The following ULK4 variants were observed in gnomAD, a reference collection of about 807,000 sequenced individuals.
The protein encoded by ULK4 is unc-51 like kinase 4.
ULK4 carries 133 observed loss-of-function variants against 160.6 expected under a neutral mutation model. The ratio of observed to expected loss-of-function variants is 0.83; its 90% CI spans 0.72 to 0.96. The LOEUF (loss-of-function observed/expected upper bound fraction) is 0.96, where lower values mean the gene tolerates loss of function less well. Ranked by LOEUF, ULK4 falls within the 40% of genes least tolerant of loss-of-function variation. The pLI, the probability that ULK4 is intolerant of heterozygous loss-of-function variation, is 0.00. For missense variants in ULK4, 1,580 were observed against 1,499.5 expected, an observed-to-expected ratio of 1.05 and a Z score of -0.89; for synonymous variants, 534 against 539.8, an observed-to-expected ratio of 0.99 and a Z score of 0.15.
At chr3:41,843,791 T>C (rs200309719) in intron 17 of ULK4, among the ~76,000 whole-genome samples, 1 of 152,104 alleles carries the variant, frequency 6.6e-6, no homozygotes, top group East Asian at 1.9e-4. Flanking sequence ...GCTTTTATTC[T>C]CTTATCTGGC....
At chr3:41,757,460 G>A (rs1480576910) in intron 21 of ULK4, among the ~76,000 whole-genome samples, 2 of 151,422 alleles carry the variant, frequency 1.3e-5, no homozygotes, top group African/African-American at 4.8e-5. Context: ...GTGAAACCCC[G>A]TCTCTACTAA....
intron 19 of ULK4, among the ~76,000 whole-genome samples, chr3:41,816,578 G>T (rs1014622642): frequency 5.9e-5 from 9 of 152,140 alleles, no homozygotes; most frequent in African/African-American, 2.2e-4. Flanking sequence ...ACTCTGGGAG[G>T]CCGAGGGAGG....
rs1199345739 is a variant in ULK4, at chr3:41,807,226, T to C, written c.1849-6933A>G. On this transcript the variant is annotated intron_variant, in intron 19 of 36. Coordinates refer to ENST00000301831, the MANE Select transcript of ULK4 (RefSeq NM_017886.4). ...AATAAAAAATACATTAAAGATTACA[T>C]AATCCTACATTTATTTAACAAGAAA... Among the ~76,000 whole-genome samples the C allele has an allele frequency of 3.9e-5, 6 of 152,230 alleles. No individual in the cohort carries two copies. In the South Asian group the frequency reaches 1.2e-3, roughly 32 times the overall value.
chr3:41,613,325 A>G (rs939312332), intron 31 of ULK4, among the ~76,000 whole-genome samples: 2 of 152,186 alleles, frequency 1.3e-5, no homozygotes, highest in African/African-American at 4.8e-5. Context: ...TCTTCTTTTT[A>G]TTGAAAGAGC....
intron 35 of ULK4, among the ~76,000 whole-genome samples, chr3:41,284,289 C>T (rs763752943): frequency 5.3e-5 from 8 of 152,072 alleles, no homozygotes; most frequent in Non-Finnish European, 5.9e-5. Flanking sequence ...ATAGCCAAAG[C>T]AAGATTAAGC....
intron 22 of ULK4, among the ~76,000 whole-genome samples, chr3:41,730,226 T>G (rs1162814914): frequency 6.6e-6 from 1 of 152,024 alleles, no homozygotes; most frequent in Non-Finnish European, 1.5e-5. Flanking sequence ...ACATTATACT[T>G]CAAGGAACTA....
At chr3:41,875,343 A>G (rs533453632) in intron 17 of ULK4, among the ~76,000 whole-genome samples, 3 of 152,354 alleles carry the variant, frequency 2.0e-5, no homozygotes, top group African/African-American at 7.2e-5. Flanking sequence ...ACTTGAGCCC[A>G]GGAGTTTAAG....
At chr3:41,923,324 C>A (rs1218899556) in intron 5 of ULK4, among the ~76,000 whole-genome samples, 1 of 152,022 alleles carries the variant, frequency 6.6e-6, no homozygotes. Context: ...CATGGTGAAA[C>A]CCCATCTCTA....
intron 19 of ULK4, among the ~76,000 whole-genome samples, chr3:41,803,670 G>A (rs2125609084): frequency 6.6e-6 from 1 of 152,114 alleles, no homozygotes; most frequent in Admixed American, 6.5e-5. Flanking sequence ...AGAGAGTGAT[G>A]TTCCCCTTCC....
chr3:41,957,939 G>C (rs949385899), intron 1 of ULK4, among the ~76,000 whole-genome samples: 2 of 151,602 alleles, frequency 1.3e-5, no homozygotes, highest in Non-Finnish European at 2.9e-5. Context: ...AGCTACTTGG[G>C]AGACTGAGGC....
intron 30 of ULK4, among the ~76,000 whole-genome samples, chr3:41,645,731 A>T (rs2034457580): frequency 6.6e-6 from 1 of 152,022 alleles, no homozygotes; most frequent in Non-Finnish European, 1.5e-5. Context: ...AGCTGAGTTC[A>T]ATTCCTGGGT....
At chr3:41,803,591 C>T (rs1043928792) in intron 19 of ULK4, among the ~76,000 whole-genome samples, 1 of 152,082 alleles carries the variant, frequency 6.6e-6, no homozygotes, top group African/African-American at 2.4e-5. Flanking sequence ...CCCATTAACT[C>T]GTCATTTAAC....
chr3:41,623,539 A>G (rs567745430), intron 30 of ULK4, among the ~76,000 whole-genome samples: 1 of 152,358 alleles, frequency 6.6e-6, no homozygotes, highest in East Asian at 1.9e-4. Context: ...TCAGCCTTAA[A>G]GAAACAAGAA....
At chr3:41,457,191 A>C (rs901468342) in intron 33 of ULK4, among the ~76,000 whole-genome samples, 1 of 152,130 alleles carries the variant, frequency 6.6e-6, no homozygotes, top group Non-Finnish European at 1.5e-5. Context: ...TCTTCCTGGG[A>C]GAGATAAGGC....
chr3:41,789,905 A>G, intron 20 of ULK4, 62 bp from the exon 21 acceptor site: 1 of 1,373,426 alleles, frequency 7.3e-7, no homozygotes, highest in Non-Finnish European at 9.7e-7. Context: ...TTCCCCTGAA[A>G]GGTAACACAT....
At chr3:41,672,739 T>C (rs563009233) in intron 29 of ULK4, among the ~76,000 whole-genome samples, 2 of 152,336 alleles carry the variant, frequency 1.3e-5, no homozygotes, top group East Asian at 3.8e-4. Flanking sequence ...AATACTTGGG[T>C]AATAAGATAC....
At chr3:41,470,496 C>A (rs2083961308) in intron 32 of ULK4, among the ~76,000 whole-genome samples, 1 of 152,112 alleles carries the variant, frequency 6.6e-6, no homozygotes, top group East Asian at 1.9e-4. Context: ...AAACAAAAAA[C>A]CACTAATAAC....
At chr3:41,766,914 A>T (rs776910203) in intron 21 of ULK4, 9 of 152,216 alleles carry the variant, frequency 5.9e-5, no homozygotes, top group Non-Finnish European at 7.3e-5. Context: ...GATTGCCCTC[A>T]CATCCCTTAA....
intron 35 of ULK4, among the ~76,000 whole-genome samples, chr3:41,388,233 C>A (rs909772699): frequency 3.3e-5 from 5 of 152,052 alleles, no homozygotes; most frequent in African/African-American, 1.2e-4. Flanking sequence ...TCACTTTTTT[C>A]TTGTAAATTT....
Sources: allele counts gnomAD v4.1 joint callset (sites outside exome capture counted in the v4.1 genomes callset), GRCh38; gene constraint gnomAD v4.1.1; transcripts MANE v1.5; gene names NCBI Gene and HGNC (gene_info 2026-07-23, HGNC 2026-07-21).